Variants in ERMP1 observed in about 807,000 individuals in gnomAD.
The protein encoded by ERMP1 is endoplasmic reticulum metallopeptidase 1.
In ERMP1, 86 loss-of-function variants were observed where a neutral mutation model predicts 92.0. The observed-to-expected ratio is 0.93, with a 90% CI of 0.79 to 1.12. The LOEUF (loss-of-function observed/expected upper bound fraction) is 1.12. ERMP1 is among the 50% of genes most tolerant of loss of function. The pLI, the probability that ERMP1 is intolerant of heterozygous loss-of-function variation, is 0.00. For missense variants in ERMP1, 1,342 were observed against 1,116.3 expected (o/e 1.20, Z -2.88); for synonymous variants, 530 against 412.8 (o/e 1.28, Z -3.44).
chr9:5,802,089 G>A (rs1828695511), intron 10 of ERMP1, among the ~76,000 whole-genome samples: 1 of 152,236 alleles, frequency 6.6e-6, no homozygotes, highest in African/African-American at 2.4e-5. Flanking sequence ...ATCTGAAATT[G>A]TTCTAAGAAG....
intron 4 of ERMP1, among the ~76,000 whole-genome samples, chr9:5,813,913 T>C (rs1829206664): frequency 6.7e-6 from 1 of 149,488 alleles, no homozygotes. Context: ...TAATTATATG[T>C]ATAATTGTAT....
intron 1 of ERMP1, among the ~76,000 whole-genome samples, chr9:5,831,762 G>T (rs531351829): frequency 1.2e-4 from 19 of 152,184 alleles, no homozygotes; most frequent in Non-Finnish European, 2.2e-4. Context: ...GCGGGCGGGG[G>T]AAACTTTTGA....
chr9:5,804,867 G>C (rs907832148), intron 10 of ERMP1, among the ~76,000 whole-genome samples, 160 bp downstream of exon 10: 1 of 150,648 alleles, frequency 6.6e-6, no homozygotes, highest in African/African-American at 2.4e-5. Context: ...AGTTTCTTAC[G>C]ATACCAAATT....
chr9:5,818,932 T>C (rs1829423486), intron 4 of ERMP1, among the ~76,000 whole-genome samples: 1 of 152,202 alleles, frequency 6.6e-6, no homozygotes, highest in Non-Finnish European at 1.5e-5. Context: ...TTTTACTAAC[T>C]TTTTGCTGAT....
At chr9:5,832,133 G>A (rs1185792881) in intron 1 of ERMP1, among the ~76,000 whole-genome samples, 3 of 151,794 alleles carry the variant, frequency 2.0e-5, no homozygotes, top group African/African-American at 7.3e-5. Context: ...AATCCAAGGG[G>A]CCTAAAGATA....
chr9:5,804,514 G>C (rs922410378), intron 10 of ERMP1, among the ~76,000 whole-genome samples: 7 of 152,144 alleles, frequency 4.6e-5, no homozygotes, highest in African/African-American at 1.7e-4. Flanking sequence ...AGGCACGTTT[G>C]GGTGTCATAA....
chr9:5,840,742 G>A (rs1830153376), intron 6 of ERMP1, among the ~76,000 whole-genome samples: 3 of 152,230 alleles, frequency 2.0e-5, no homozygotes. Flanking sequence ...GGGTTAATAG[G>A]GTTGTCCTGA....
At chr9:5,798,704 G>A (rs2131214640) in intron 12 of ERMP1, 102 bp downstream of exon 12, 1 of 707,850 alleles carries the variant, frequency 1.4e-6, no homozygotes, top group Non-Finnish European at 2.4e-6. Flanking sequence ...AAACACCACT[G>A]AACTTGTATA....
chr9:5,819,715 T>C (rs944125153), intron 4 of ERMP1, among the ~76,000 whole-genome samples: 1 of 152,250 alleles, frequency 6.6e-6, no homozygotes, highest in Non-Finnish European at 1.5e-5. Context: ...AGTCTCCCTC[T>C]GTTATTTAGA....
intron 6 of ERMP1, among the ~76,000 whole-genome samples, chr9:5,846,893 G>A (rs1830242921): frequency 6.6e-6 from 1 of 152,150 alleles, no homozygotes; most frequent in Non-Finnish European, 1.5e-5. Context: ...GCATGGAACT[G>A]GACGCCCTTT....
At chr9:5,794,595 A>G (rs1828337758) in intron 13 of ERMP1, among the ~76,000 whole-genome samples, 1 of 152,146 alleles carries the variant, frequency 6.6e-6, no homozygotes, top group Admixed American at 6.5e-5. Flanking sequence ...CATTAAAAGG[A>G]TAATTAAGGA....
chr9:5,786,586 A>C lies in ERMP1; in HGVS notation c.*558T>G, dbSNP rs184938889. ...CACAGAGAGACAAAGCACATTTGAG[A>C]GGCTGCCTGAAGAAACAGCTTGACA... On this transcript the variant is annotated 3_prime_UTR_variant, in exon 15 of 15. Coordinates refer to ENST00000339450, the MANE Select transcript of ERMP1 (RefSeq NM_024896.3). The C allele has an allele frequency of 1.3e-5, 2 of 154,884 alleles. No homozygotes were observed. Among genetic ancestry groups the C allele is most frequent in the Admixed American group, 1.3e-4 (2 of 15,816 alleles). The allele number at this position is 154,884 out of a possible 1,614,324, so 9.6% of individuals were successfully genotyped here. A position where few individuals can be genotyped will look rare whatever the true frequency, so the allele number is the denominator to read the frequency against.
At chr9:5,832,243 C>A (rs543340963) in intron 1 of ERMP1, among the ~76,000 whole-genome samples, 4 of 152,224 alleles carry the variant, frequency 2.6e-5, no homozygotes, top group East Asian at 3.9e-4. Context: ...GGGGCTGTAA[C>A]CCTCAGAAAG....
chr9:5,864,313 G>C (rs1300730527), intron 5 of ERMP1, among the ~76,000 whole-genome samples: 2 of 152,114 alleles, frequency 1.3e-5, no homozygotes, highest in Non-Finnish European at 2.9e-5. Flanking sequence ...TACTCAGTAA[G>C]GGAAAGGGCC....
rs1189529551 is a variant in ERMP1 at position 5,812,920 on chromosome 9, A to G, written c.990T>C (p.Phe330=). 17 of 1,613,910 alleles carry G rather than the reference A, an allele frequency of 1.1e-5. No homozygotes were observed. The highest frequency in any genetic ancestry group is 1.4e-5 in the Non-Finnish European group (16 of 1,179,884). ...TGTTCCCAAAATCCCTGTAGATACG[A>G]AAGTCAGTATCTGAAGGAATGATTC... ...QSGIIPSDTD[F]RIYRDFGNIP... Residue 330 remains phenylalanine (F), a synonymous_variant, in exon 5 of 15, where the codon TTT becomes TTC. Coordinates refer to ENST00000339450, the MANE Select transcript of ERMP1 (RefSeq NM_024896.3).
chr9:5,806,236 A>G (rs1471362702), intron 8 of ERMP1, among the ~76,000 whole-genome samples: 1 of 152,120 alleles, frequency 6.6e-6, no homozygotes, highest in Admixed American at 6.5e-5. Context: ...AGCACCTTTA[A>G]AGCAATCTGG....
At chr9:5,860,105 G>A (rs531667136) in intron 5 of ERMP1, among the ~76,000 whole-genome samples, 8 of 150,632 alleles carry the variant, frequency 5.3e-5, no homozygotes, top group African/African-American at 1.5e-4. Flanking sequence ...GAGACCAGCC[G>A]GGGCAGTATA....
At chr9:5,859,133 C>G (rs1292107163) in intron 6 of ERMP1, among the ~76,000 whole-genome samples, 2 of 152,322 alleles carry the variant, frequency 1.3e-5, no homozygotes, top group East Asian at 1.9e-4. Flanking sequence ...GTCATGTCCT[C>G]TCTCTGTGTT....
At position 5,787,502 on chromosome 9, in the gene ERMP1, T is replaced by G. The variant is rs1311856770; in HGVS notation, c.2478A>C (p.Lys826Asn). ...AGTAAAAGACAAAGTAGTCTCCTCC[T>G]TTACTTGTGACTGGGGTGCCATTGC... ...SLGNGTPVTS[K>N]GGDYFVFYSH... The change falls in exon 14 of 15, where the codon AAA becomes AAC. Residue 826 changes from lysine to asparagine, a missense_variant. By Grantham distance (94) the Lys-to-Asn change is moderately conservative. Transcript: ENST00000339450. 5.0e-6 allele frequency: 8 copies of G among 1,614,012 alleles called. No individual in the cohort carries two copies. Among genetic ancestry groups the G allele is most frequent in the Non-Finnish European group, 6.8e-6 (8 of 1,180,004 alleles).
Sources: allele counts gnomAD v4.1 joint callset (sites outside exome capture counted in the v4.1 genomes callset), GRCh38; gene constraint gnomAD v4.1.1; transcripts MANE v1.5; gene names NCBI Gene and HGNC (gene_info 2026-07-23, HGNC 2026-07-21).